Variants in NOL4 observed in about 807,000 individuals in gnomAD.
NOL4 encodes the protein nucleolar protein 4, also known as cancer/testis antigen 125.
In NOL4, 17 loss-of-function variants were observed where a neutral mutation model predicts 75.9. That is an observed-to-expected ratio of 0.22 (90% CI 0.15 to 0.34). NOL4 has a LOEUF of 0.34. Among genes scored for constraint, NOL4 ranks in the 10% least tolerant of loss-of-function variants. NOL4 has a pLI of 1.00. For synonymous variants in NOL4, 292 were observed against 289.9 expected (o/e 1.01, Z -0.07); for missense variants, 614 against 793.5 (o/e 0.77, Z 2.72).
At chr18:34,218,521 T>C (rs1471892551) in intron 1 of NOL4, among the ~76,000 whole-genome samples, 1 of 152,344 alleles carries the variant, frequency 6.6e-6, no homozygotes, top group East Asian at 1.9e-4. Flanking sequence ...TGGCCTTTAC[T>C]ACTGGTCCCC....
intron 1 of NOL4, chr18:34,221,887 A>G: frequency 1.5e-6 from 1 of 665,212 alleles, no homozygotes. Context: ...ATCCTCCAGG[A>G]ATACTGCACC....
intron 1 of NOL4, among the ~76,000 whole-genome samples, chr18:34,134,811 T>A (rs1485975933): frequency 6.6e-6 from 1 of 152,130 alleles, no homozygotes; most frequent in Admixed American, 6.5e-5. Context: ...GACACAAGGA[T>A]ATTTGGGAAA....
intron 6 of NOL4, among the ~76,000 whole-genome samples, chr18:33,969,148 G>A (rs980527731): frequency 6.6e-6 from 1 of 152,064 alleles, no homozygotes; most frequent in Non-Finnish European, 1.5e-5. Context: ...CAGCGTTTAT[G>A]AGTCTTATGT....
intron 4 of NOL4, among the ~76,000 whole-genome samples, chr18:34,100,441 C>T (rs1362744110): frequency 6.6e-6 from 1 of 152,166 alleles, no homozygotes; most frequent in Non-Finnish European, 1.5e-5. Context: ...ATAAAAACTG[C>T]TCTTGTAAAG....
intron 5 of NOL4, among the ~76,000 whole-genome samples, chr18:34,085,747 A>G (rs2078213068): frequency 6.6e-6 from 1 of 152,240 alleles, no homozygotes; most frequent in South Asian, 2.1e-4. Flanking sequence ...TATGCATTTT[A>G]AATAAATATA....
chr18:33,957,576 A>T, intron 7 of NOL4, 59 bp from the exon 8 acceptor site: 1 of 1,335,164 alleles, frequency 7.5e-7, no homozygotes, highest in South Asian at 1.4e-5. Context: ...TTCTGTTCCT[A>T]GCTTCCTGTC....
At chr18:34,069,291 T>C (rs1434938311) in intron 5 of NOL4, among the ~76,000 whole-genome samples, 1 of 152,014 alleles carries the variant, frequency 6.6e-6, no homozygotes, top group African/African-American at 2.4e-5. Flanking sequence ...TGGACATGGG[T>C]AAAGAATGAA....
At chr18:34,051,786 G>A (rs924768537) in intron 5 of NOL4, among the ~76,000 whole-genome samples, 1 of 152,036 alleles carries the variant, frequency 6.6e-6, no homozygotes, top group African/African-American at 2.4e-5. Context: ...GTGTGTGAGA[G>A]AGTGTGTGTG....
intron 1 of NOL4, among the ~76,000 whole-genome samples, chr18:34,147,356 G>T (rs775119092): frequency 2.0e-5 from 3 of 151,978 alleles, no homozygotes; most frequent in Non-Finnish European, 4.4e-5. Context: ...TTACAGGTTT[G>T]TCATAAACAG....
chr18:34,171,333 G>T (rs1321829243), intron 1 of NOL4, among the ~76,000 whole-genome samples: 1 of 152,040 alleles, frequency 6.6e-6, no homozygotes, highest in Non-Finnish European at 1.5e-5. Context: ...AAGTAAAGAA[G>T]GTAGTACACT....
intron 9 of NOL4, among the ~76,000 whole-genome samples, chr18:33,891,122 G>T (rs1446383553): frequency 4.0e-5 from 6 of 151,808 alleles, no homozygotes; most frequent in African/African-American, 1.5e-4. Context: ...TCATATTCAG[G>T]TTAAGCTTAT....
At chr18:33,863,731 G>T (rs1281188887) in intron 10 of NOL4, among the ~76,000 whole-genome samples, 1 of 152,118 alleles carries the variant, frequency 6.6e-6, no homozygotes, top group Non-Finnish European at 1.5e-5. Context: ...TACTATTCTG[G>T]GGTCTGGAGG....
intron 10 of NOL4, among the ~76,000 whole-genome samples, chr18:33,857,771 T>G (rs550394388): frequency 1.3e-5 from 2 of 152,226 alleles, no homozygotes; most frequent in East Asian, 3.9e-4. Flanking sequence ...AATACTGAAG[T>G]GTTTTCCACA....
intron 9 of NOL4, among the ~76,000 whole-genome samples, chr18:33,928,186 T>C (rs558692207): frequency 2.0e-5 from 3 of 152,290 alleles, no homozygotes; most frequent in African/African-American, 7.2e-5. Context: ...AAAGATGTTG[T>C]CTTCATGGAG....
intron 9 of NOL4, among the ~76,000 whole-genome samples, chr18:33,937,671 G>A (rs1401076556): frequency 2.0e-5 from 3 of 152,088 alleles, no homozygotes; most frequent in African/African-American, 7.2e-5. Context: ...AACTAATAGA[G>A]GGATCCCTGC....
At chr18:33,903,238 G>A (rs991653164) in intron 9 of NOL4, among the ~76,000 whole-genome samples, 1 of 152,112 alleles carries the variant, frequency 6.6e-6, no homozygotes, top group Non-Finnish European at 1.5e-5. Flanking sequence ...AGAAGAGAGT[G>A]CACAGGGGGA....
In NOL4 at chr18:33,883,403, T is replaced by C. The variant is rs199664174; in HGVS notation, c.1564A>G (p.Lys522Glu). 134 of 1,609,364 alleles carry C rather than the reference T, an allele frequency of 8.3e-5. 1 individual carries two copies. Among genetic ancestry groups the C allele is most frequent in the Non-Finnish European group, 1.1e-4 (127 of 1,178,398 alleles). Residue 522 changes from lysine (K) to glutamate (E), a missense_variant, in exon 10 of 11, where the codon AAA becomes GAA. Physicochemically the swap from Lys to Glu is moderately conservative, Grantham distance 56. Coordinates refer to ENST00000261592, the MANE Select transcript of NOL4 (RefSeq NM_003787.5). ...RQQDESAPADKQCKPEATQAT... is the reference protein window; with the variant it reads ...RQQDESAPADEQCKPEATQAT... ...TGGGTCGCCTCTGGTTTACACTGTT[T>C]GTCAGCTGGAGCAGACTCATCCTGC...
chr18:34,048,324 A>G, intron 5 of NOL4: 1 of 458,788 alleles, frequency 2.2e-6, no homozygotes, highest in Non-Finnish European at 2.9e-6. Flanking sequence ...CTAGGAAAAC[A>G]TTGGCATTTA....
intron 1 of NOL4, among the ~76,000 whole-genome samples, chr18:34,193,950 A>G (rs961074659): frequency 1.3e-5 from 2 of 152,202 alleles, no homozygotes; most frequent in African/African-American, 4.8e-5. Context: ...AAGCTGGAGG[A>G]CATAAGTGAA....
Sources: gnomAD v4.1 joint callset for allele counts (sites outside exome capture counted in the v4.1 genomes callset) on GRCh38, gnomAD v4.1.1 for gene constraint, MANE v1.5 for transcripts, NCBI Gene and HGNC (gene_info 2026-07-23, HGNC 2026-07-21) for gene names.